Variants in NPTN observed in about 807,000 individuals in gnomAD.
NPTN encodes the protein neuroplastin.
A neutral mutation model predicts 42.7 loss-of-function variants in NPTN; 5 were observed. The ratio of observed to expected loss-of-function variants is 0.12; its 90% CI spans 0.06 to 0.25. The LOEUF (loss-of-function observed/expected upper bound fraction) is 0.25. Among genes scored for constraint, NPTN ranks in the 10% least tolerant of loss-of-function variants. The pLI is 1.00. For missense variants in NPTN, 307 were observed against 525.4 expected (o/e 0.58, Z 4.06); for synonymous variants, 180 against 201.9 (o/e 0.89, Z 0.92).
intron 4 of NPTN, among the ~76,000 whole-genome samples, chr15:73,575,685 C>G (rs79432474): frequency 0.031 from 4,728 of 152,324 alleles, 88 homozygotes; most frequent in African/African-American, 0.057. Flanking sequence ...GGGCTAATCT[C>G]ATGTTCCACC....
At chr15:73,613,453 C>T (rs1018710794) in intron 1 of NPTN, among the ~76,000 whole-genome samples, 3 of 151,968 alleles carry the variant, frequency 2.0e-5, no homozygotes, top group South Asian at 2.1e-4. Context: ...AAGAAAATGC[C>T]TCTCTTGATT....
intron 1 of NPTN, among the ~76,000 whole-genome samples, chr15:73,600,975 A>T (rs1049708293): frequency 1.2e-4 from 18 of 152,218 alleles, no homozygotes; most frequent in African/African-American, 4.1e-4. Flanking sequence ...AGACACTGGA[A>T]AAATTTCTCT....
chr15:73,614,729 T>C (rs113740992), intron 1 of NPTN, among the ~76,000 whole-genome samples: 1 of 152,186 alleles, frequency 6.6e-6, no homozygotes, highest in African/African-American at 2.4e-5. Context: ...TTGCAACCTA[T>C]TAAAAACTTA....
Position 73,615,100 on chromosome 15 carries a change from T to TGGA in NPTN, c.92-17734_92-17732dup, listed in dbSNP as rs3830239. Among the ~76,000 whole-genome samples, 30 of 152,142 alleles carry TGGA rather than the reference T, an allele frequency of 2.0e-4. No individual in the cohort carries two copies. The East Asian group carries it at 5.8e-3, about 29-fold the overall frequency. On this transcript the variant is annotated intron_variant, in intron 1 of 8. Coordinates refer to ENST00000345330, the MANE Select transcript of NPTN (RefSeq NM_012428.4). ...TGCTCATCACTAGGTCTAAAAGAGA[T>TGGA]GGATGTTCACAGTTTCTGTGAAACT...
intron 4 of NPTN, among the ~76,000 whole-genome samples, chr15:73,574,791 A>G (rs984057832): frequency 6.6e-6 from 1 of 152,220 alleles, no homozygotes; most frequent in African/African-American, 2.4e-5. Flanking sequence ...AACCCAATAT[A>G]GAAGGAATTT....
At chr15:73,574,501 G>C (rs973214623) in intron 4 of NPTN, among the ~76,000 whole-genome samples, 2 of 152,088 alleles carry the variant, frequency 1.3e-5, no homozygotes, top group African/African-American at 4.8e-5. Context: ...GCTCACTGTA[G>C]CCTCAAGCTC....
At chr15:73,619,508 T>A (rs1037130626) in intron 1 of NPTN, among the ~76,000 whole-genome samples, 1 of 152,190 alleles carries the variant, frequency 6.6e-6, no homozygotes, top group East Asian at 1.9e-4. Flanking sequence ...ATTACTGTAG[T>A]ATTAGCAAAA....
chr15:73,601,091 G>A (rs567598886), intron 1 of NPTN, among the ~76,000 whole-genome samples: 14 of 152,242 alleles, frequency 9.2e-5, no homozygotes, highest in African/African-American at 2.4e-4. Context: ...CATTTCATTC[G>A]CACAGTTCCA....
At chr15:73,609,718 T>C (rs535548538) in intron 1 of NPTN, among the ~76,000 whole-genome samples, 16 of 152,314 alleles carry the variant, frequency 1.1e-4, no homozygotes, top group Admixed American at 3.3e-4. Flanking sequence ...AAGATTACCT[T>C]TGGAAATGCT....
intron 1 of NPTN, among the ~76,000 whole-genome samples, chr15:73,613,110 G>A (rs1390384382): frequency 1.3e-5 from 2 of 152,178 alleles, no homozygotes; most frequent in Non-Finnish European, 2.9e-5. Context: ...TTAGAGTGGA[G>A]ATATCCCAGA....
intron 7 of NPTN, among the ~76,000 whole-genome samples, chr15:73,562,429 G>A (rs1467540636): frequency 6.6e-6 from 1 of 152,024 alleles, no homozygotes; most frequent in Admixed American, 6.6e-5. Flanking sequence ...CTTTCCCTTC[G>A]AATCCGGAAC....
At chr15:73,631,028 A>G (rs1460000009) in intron 1 of NPTN, among the ~76,000 whole-genome samples, 3 of 152,246 alleles carry the variant, frequency 2.0e-5, no homozygotes, top group African/African-American at 7.2e-5. Context: ...ATTTCAAGGG[A>G]AAGGCCGTTC....
intron 1 of NPTN, among the ~76,000 whole-genome samples, chr15:73,611,183 A>G (rs1566984419): frequency 6.6e-6 from 1 of 152,204 alleles, no homozygotes; most frequent in Non-Finnish European, 1.5e-5. Flanking sequence ...AACAACTCAT[A>G]TAATTATTGT....
intron 1 of NPTN, among the ~76,000 whole-genome samples, chr15:73,620,922 C>A (rs1898106829): frequency 1.3e-5 from 2 of 152,232 alleles, no homozygotes; most frequent in South Asian, 4.1e-4. Flanking sequence ...CACTTACAGA[C>A]TGATCTAAAC....
rs1895284042 is a variant in NPTN, at chr15:73,570,144, T to C, written c.1114+6A>G. The C allele has an allele frequency of 1.9e-6, 3 of 1,598,596 alleles. No homozygotes were observed. The highest frequency in any genetic ancestry group is 2.6e-6 in the Non-Finnish European group (3 of 1,170,174). ...CAGTACAGCTATTTTGTAGGGATGCTCTTACCGTCAGGAACCTCATCTGGC... is the reference window on the plus strand; with the variant it reads ...CAGTACAGCTATTTTGTAGGGATGCCCTTACCGTCAGGAACCTCATCTGGC... On this transcript the variant is annotated splice_donor_region_variant and intron_variant, in intron 6 of 8. Coordinates refer to ENST00000345330, the MANE Select transcript of NPTN (RefSeq NM_012428.4). The surrounding 1 kb of genome is among the most constrained non-coding windows in gnomAD (Gnocchi z 4.0).
intron 1 of NPTN, among the ~76,000 whole-genome samples, chr15:73,603,523 G>C (rs1311729096): frequency 6.6e-6 from 1 of 152,184 alleles, no homozygotes; most frequent in Non-Finnish European, 1.5e-5. Context: ...AATGAACAAA[G>C]TGATAATAGC....
intron 2 of NPTN, among the ~76,000 whole-genome samples, chr15:73,592,502 G>A (rs1356089597): frequency 6.6e-6 from 1 of 152,138 alleles, no homozygotes; most frequent in East Asian, 1.9e-4. Context: ...CCATTCTGAA[G>A]ACAAAGGCCA....
chr15:73,586,810 G>C (rs1203218586), intron 4 of NPTN, among the ~76,000 whole-genome samples: 1 of 152,144 alleles, frequency 6.6e-6, no homozygotes, highest in Non-Finnish European at 1.5e-5. Context: ...CATTGGATTG[G>C]GGGTCAAGAC....
chr15:73,627,040 G>C (rs1048572902), intron 1 of NPTN, among the ~76,000 whole-genome samples: 3 of 152,180 alleles, frequency 2.0e-5, no homozygotes, highest in African/African-American at 7.2e-5. Flanking sequence ...TTCGAGATCA[G>C]CCTGGCCAAC....
Sources: allele counts gnomAD v4.1 joint callset (sites outside exome capture counted in the v4.1 genomes callset), GRCh38; gene constraint gnomAD v4.1.1; non-coding constraint Gnocchi (gnomAD v3.1); transcripts MANE v1.5; gene names NCBI Gene and HGNC (gene_info 2026-07-23, HGNC 2026-07-21).